SLC3A2: variants seen among roughly 807,000 people sequenced by gnomAD.
SLC3A2 encodes solute carrier family 3 member 2, also known as amino acid transporter heavy chain SLC3A2.
In SLC3A2, 32 loss-of-function variants were observed where a neutral mutation model predicts 48.5. The ratio of observed to expected loss-of-function variants is 0.66; its 90% CI spans 0.50 to 0.89. The LOEUF is 0.89. Ranked by LOEUF, SLC3A2 falls within the 40% of genes least tolerant of loss-of-function variation. SLC3A2 has a pLI of 0.00. For synonymous variants in SLC3A2, 277 were observed against 288.8 expected (o/e 0.96, Z 0.41); for missense variants, 587 against 680.7 (o/e 0.86, Z 1.53).
chr11:62,875,208 A>G (rs536996725), intron 1 of SLC3A2, among the ~76,000 whole-genome samples: 1 of 152,252 alleles, frequency 6.6e-6, no homozygotes, highest in South Asian at 2.1e-4. Context: ...AGTCTCCTGA[A>G]GAGTTTCTAG....
intron 1 of SLC3A2, among the ~76,000 whole-genome samples, chr11:62,869,699 G>T (rs897578889): frequency 1.3e-5 from 2 of 150,648 alleles, no homozygotes; most frequent in African/African-American, 4.9e-5. Context: ...TTTTCAGTTT[G>T]TTATGGCAAA....
intron 1 of SLC3A2, among the ~76,000 whole-genome samples, chr11:62,865,722 T>C (rs993284921): frequency 2.6e-5 from 4 of 152,052 alleles, no homozygotes; most frequent in African/African-American, 9.7e-5. Context: ...TATCCGCATA[T>C]TTTTCCCCTA....
At chr11:62,884,559 G>T in intron 4 of SLC3A2, 34 bp downstream of exon 4, 4 of 1,614,046 alleles carry the variant, frequency 2.5e-6, no homozygotes, top group South Asian at 1.1e-5. Context: ...GACAAAGCTT[G>T]GGCGAGAACA....
At chr11:62,856,339 T>G (rs764761894) in exon 1 of SLC3A2, 2 of 1,613,266 alleles carry the variant, frequency 1.2e-6, no homozygotes, top group Non-Finnish European at 1.7e-6. Flanking sequence ...TGGCTCACAT[T>G]CGGAGGCTGG....
At chr11:62,870,725 A>T (rs751186481) in intron 1 of SLC3A2, 2,463 of 141,782 alleles carry the variant, frequency 0.017, 34 homozygotes, top group Middle Eastern at 0.033. Flanking sequence ...TATTATTATT[A>T]TTTTTTTTTT....
intron 3 of SLC3A2, 34 bp from the exon 4 acceptor site, chr11:62,884,423 T>A (rs901570500): frequency 6.2e-7 from 1 of 1,612,710 alleles, no homozygotes; most frequent in African/African-American, 1.3e-5. Context: ...TCCTGAGAAC[T>A]GATGTCTGTC....
chr11:62,884,160 G>C, intron 3 of SLC3A2: 1 of 543,700 alleles, frequency 1.8e-6, no homozygotes, highest in Non-Finnish European at 3.4e-6. Flanking sequence ...TATGTTTATG[G>C]ACATACCTTT....
intron 1 of SLC3A2, among the ~76,000 whole-genome samples, chr11:62,857,331 G>A (rs368506786): frequency 5.8e-4 from 88 of 151,754 alleles, no homozygotes; most frequent in African/African-American, 2.1e-3. Context: ...CATCATGTTG[G>A]CCAGGCTGCT....
chr11:62,861,634 G>A (rs755270298), intron 1 of SLC3A2, among the ~76,000 whole-genome samples: 8 of 152,126 alleles, frequency 5.3e-5, no homozygotes, highest in Non-Finnish European at 8.8e-5. Flanking sequence ...AACTCTGGTC[G>A]GTCGGGCACA....
intron 7 of SLC3A2, among the ~76,000 whole-genome samples, chr11:62,886,899 A>G (rs895492943): frequency 1.3e-5 from 2 of 151,946 alleles, no homozygotes; most frequent in African/African-American, 4.8e-5. Flanking sequence ...GTGCCTGGCC[A>G]CAGCTAATTT....
At chr11:62,883,946 T>G (rs1391806055) in intron 3 of SLC3A2, 4 of 456,114 alleles carry the variant, frequency 8.8e-6, no homozygotes, top group South Asian at 6.2e-5. Context: ...TCTTTCATCC[T>G]TGGCCTTGCT....
At chr11:62,857,815 T>C (rs1021731796) in intron 1 of SLC3A2, among the ~76,000 whole-genome samples, 2 of 151,322 alleles carry the variant, frequency 1.3e-5, no homozygotes, top group Non-Finnish European at 2.9e-5. Flanking sequence ...CGGGAAATGC[T>C]TTATAGAGTG....
intron 1 of SLC3A2, among the ~76,000 whole-genome samples, chr11:62,857,314 G>C (rs1414237194): frequency 6.6e-6 from 1 of 151,852 alleles, no homozygotes; most frequent in East Asian, 1.9e-4. Context: ...TCGGAGAGAC[G>C]GGGTTTCATC....
intron 1 of SLC3A2, chr11:62,871,597 AC>A: frequency 1.5e-6 from 1 of 656,300 alleles, no homozygotes; most frequent in Admixed American, 2.2e-5. Context: ...TGACTGTGTT[AC>A]CCAGGCTGGT....
upstream of SLC3A2, among the ~76,000 whole-genome samples, chr11:62,876,532 C>A (rs941905912): frequency 1.6e-4 from 25 of 152,108 alleles, no homozygotes; most frequent in African/African-American, 5.8e-4. Flanking sequence ...GTCCATTTCT[C>A]TAGTCTTTTC....
chr11:62,882,321 C>A, intron 2 of SLC3A2: 1 of 457,574 alleles, frequency 2.2e-6, no homozygotes. Context: ...TAGATATTTA[C>A]TAAACCAGTG....
chr11:62,867,391 CCTTGGCTCA>C (rs1323908080), intron 1 of SLC3A2, among the ~76,000 whole-genome samples: 1 of 142,638 alleles, frequency 7.0e-6, no homozygotes, highest in Non-Finnish European at 1.5e-5. Flanking sequence ...AGTGGCCCGA[CCTTGGCTCA>C]CTGCACTCTC....
rs1425796497 is a variant in SLC3A2 at position 62,882,651 on chromosome 11, ATTTT to A, written c.599-253_599-250del. On this transcript the variant is annotated intron_variant, in intron 2 of 8. Coordinates refer to ENST00000338663, the MANE Select transcript of SLC3A2 (RefSeq NM_001013251.3). ...AGCCGTGTGCCACCACACCCAGATA[ATTTT>A]TTTATTTTTAGTAGAGACAATTTTC... 16 of 413,122 alleles carry A rather than the reference ATTTT, an allele frequency of 3.9e-5. No individual in the cohort carries two copies. In the East Asian group the frequency reaches 7.5e-4, roughly 19 times the overall value. The allele number at this position is 413,122 out of a possible 1,614,324, so 25.6% of individuals were successfully genotyped here. A position where few individuals can be genotyped will look rare whatever the true frequency, so the allele number is the denominator to read the frequency against.
chr11:62,856,235 C>A, exon 1 of SLC3A2: 1 of 1,559,470 alleles, frequency 6.4e-7, no homozygotes. Context: ...GCCCCTTGCC[C>A]ACACACCCCA....
Sources: allele counts gnomAD v4.1 joint callset (sites outside exome capture counted in the v4.1 genomes callset), GRCh38; gene constraint gnomAD v4.1.1; transcripts MANE v1.5; gene names NCBI Gene and HGNC (gene_info 2026-07-23, HGNC 2026-07-21).